GPC5: variants seen among roughly 807,000 people sequenced by gnomAD.
GPC5 encodes the protein glypican 5.
A neutral mutation model predicts 53.9 loss-of-function variants in GPC5; 47 were observed. That is an observed-to-expected ratio of 0.87 (90% confidence interval 0.69 to 1.11). The LOEUF is 1.11. Among genes scored for constraint, GPC5 ranks in the 50% most tolerant of loss-of-function variants. The probability of loss-of-function intolerance (pLI) is 0.00; values close to 1 mark genes in which losing one functional copy is unlikely to be tolerated. For missense variants in GPC5, 748 were observed against 713.1 expected, an observed-to-expected ratio of 1.05 and a Z score of -0.56; for synonymous variants, 286 against 263.3, an observed-to-expected ratio of 1.09 and a Z score of -0.84.
At chr13:92,857,871 G>A (rs186576149) in intron 7 of GPC5, among the ~76,000 whole-genome samples, 5 of 152,214 alleles carry the variant, frequency 3.3e-5, no homozygotes, top group Non-Finnish European at 4.4e-5. Flanking sequence ...CATTTCTGAC[G>A]GATATGTAAA....
intron 7 of GPC5, among the ~76,000 whole-genome samples, chr13:92,770,053 CTA>C (rs1875552570): frequency 6.6e-6 from 1 of 152,244 alleles, no homozygotes; most frequent in Non-Finnish European, 1.5e-5. Context: ...CTATTTTCCC[CTA>C]TAGTCAGCAC....
chr13:92,843,672 G>A (rs9584068), intron 7 of GPC5, among the ~76,000 whole-genome samples: 3,816 of 152,166 alleles, frequency 0.025, 121 homozygotes, highest in African/African-American at 0.083. Flanking sequence ...GAAAGGTTTC[G>A]TGGTTCATTA....
intron 7 of GPC5, among the ~76,000 whole-genome samples, chr13:92,194,850 G>T (rs939361614): frequency 4.6e-5 from 7 of 152,192 alleles, no homozygotes; most frequent in Non-Finnish European, 1.0e-4. Flanking sequence ...AAGGTAGAGT[G>T]AGAAGGAAAG....
chr13:92,566,121 C>G (rs954542693), intron 7 of GPC5, among the ~76,000 whole-genome samples: 1 of 151,934 alleles, frequency 6.6e-6, no homozygotes, highest in Admixed American at 6.6e-5. Flanking sequence ...ATCATTTAAT[C>G]TTGATAATCT....
intron 7 of GPC5, among the ~76,000 whole-genome samples, chr13:92,838,357 A>G (rs922445089): frequency 1.3e-5 from 2 of 151,566 alleles, no homozygotes; most frequent in Non-Finnish European, 2.9e-5. Flanking sequence ...GGTGGTGGGC[A>G]CTTGTAGTCC....
intron 7 of GPC5, among the ~76,000 whole-genome samples, chr13:92,169,931 GA>G (rs1296186324): frequency 3.9e-5 from 6 of 151,946 alleles, no homozygotes; most frequent in Non-Finnish European, 8.8e-5. Context: ...AAACTTGGTT[GA>G]AGATATTTTC....
chr13:92,145,039 A>G, intron 7 of GPC5, 50 bp downstream of exon 7: 1 of 1,271,930 alleles, frequency 7.9e-7, no homozygotes, highest in South Asian at 2.7e-5. Context: ...ATTTTGAAAT[A>G]TAATTAAAGA....
chr13:91,532,797 G>A (rs773441290), intron 2 of GPC5, among the ~76,000 whole-genome samples: 3 of 152,038 alleles, frequency 2.0e-5, no homozygotes, highest in Admixed American at 6.6e-5. Flanking sequence ...GCTTGGGGGC[G>A]GAGGTTGCAG....
chr13:92,186,028 T>C (rs1015314184), intron 7 of GPC5, among the ~76,000 whole-genome samples: 3 of 152,124 alleles, frequency 2.0e-5, no homozygotes, highest in African/African-American at 7.2e-5. Flanking sequence ...TAAAGTTAAA[T>C]GTAAGTATAA....
At chr13:91,777,906 G>A (rs557850558) in intron 5 of GPC5, among the ~76,000 whole-genome samples, 2 of 152,008 alleles carry the variant, frequency 1.3e-5, no homozygotes, top group African/African-American at 2.4e-5. Context: ...TTTAGCTGTC[G>A]GGAGTTCAGA....
intron 7 of GPC5, among the ~76,000 whole-genome samples, chr13:92,751,685 AT>A: frequency 6.6e-6 from 1 of 152,260 alleles, no homozygotes; most frequent in Non-Finnish European, 1.5e-5. Flanking sequence ...AACATGGCAC[AT>A]GTATACATAT....
chr13:91,422,330 T>C (rs1028990797), intron 1 of GPC5, among the ~76,000 whole-genome samples: 6 of 152,156 alleles, frequency 3.9e-5, no homozygotes, highest in African/African-American at 1.4e-4. Context: ...CGAGACTAGG[T>C]AATTTATAAA....
intron 3 of GPC5, among the ~76,000 whole-genome samples, chr13:91,716,824 G>C (rs192009040): frequency 6.6e-6 from 1 of 152,316 alleles, no homozygotes; most frequent in Non-Finnish European, 1.5e-5. Context: ...TAGGAAAGGA[G>C]CATTTAAATC....
chr13:92,682,088 G>T (rs1887128144), intron 7 of GPC5, among the ~76,000 whole-genome samples: 1 of 152,178 alleles, frequency 6.6e-6, no homozygotes. Context: ...TTGAATGAAT[G>T]AGTGAATTAA....
At chr13:92,271,708 G>A (rs1357395608) in intron 7 of GPC5, among the ~76,000 whole-genome samples, 1 of 152,072 alleles carries the variant, frequency 6.6e-6, no homozygotes, top group Non-Finnish European at 1.5e-5. Context: ...AGAAAGGAGA[G>A]TCAGAAAGAA....
intron 2 of GPC5, among the ~76,000 whole-genome samples, chr13:91,466,974 A>C (rs1409084674): frequency 6.6e-6 from 1 of 152,138 alleles, no homozygotes; most frequent in East Asian, 1.9e-4. Context: ...CGCTTTGCAC[A>C]ATTTTGGGTT....
At chr13:91,834,094 C>A (rs9523426) in intron 5 of GPC5, among the ~76,000 whole-genome samples, 49,322 of 151,942 alleles carry the variant, frequency 0.32, 9,461 homozygotes, top group East Asian at 0.64. Context: ...TTCCTATACA[C>A]CAAATAACAA....
At chr13:92,257,548 T>TTTTTTTTTTTTTTTTTTG (rs2042735930) in intron 7 of GPC5, among the ~76,000 whole-genome samples, 1 of 121,240 alleles carries the variant, frequency 8.2e-6, no homozygotes, top group Non-Finnish European at 1.7e-5. Flanking sequence ...ATACAGGGAT[T>TTTTTTTTTTTTTTTTTTG]TTTTTTTTTT....
intron 7 of GPC5, among the ~76,000 whole-genome samples, chr13:92,381,913 TATATAATCA>T: frequency 7.3e-6 from 1 of 136,776 alleles, no homozygotes; most frequent in South Asian, 2.2e-4. Flanking sequence ...ATATATGATA[TATATAATCA>T]TATATATGAT....
Sources: gnomAD v4.1 joint callset for allele counts (sites outside exome capture counted in the v4.1 genomes callset) on GRCh38, gnomAD v4.1.1 for gene constraint, MANE v1.5 for transcripts, NCBI Gene and HGNC (gene_info 2026-07-23, HGNC 2026-07-21) for gene names.